The following ESRRG variants were observed in gnomAD, a reference collection of about 807,000 sequenced individuals.
ESRRG encodes the protein estrogen-related receptor gamma.
A neutral mutation model predicts 44.0 loss-of-function variants in ESRRG; 13 were observed. The ratio of observed to expected loss-of-function variants is 0.30; its 90% CI spans 0.19 to 0.47. The LOEUF is 0.47. ESRRG is among the 20% of genes least tolerant of loss of function. The pLI, the probability that ESRRG is intolerant of heterozygous loss-of-function variation, is 1.00. For missense variants in ESRRG, 395 were observed against 580.6 expected, an observed-to-expected ratio of 0.68 and a Z score of 3.29; for synonymous variants, 215 against 214.6, an observed-to-expected ratio of 1.00 and a Z score of -0.02.
At chr1:216,929,596 G>C (rs778089060) in intron 2 of ESRRG, among the ~76,000 whole-genome samples, 1 of 152,170 alleles carries the variant, frequency 6.6e-6, no homozygotes, top group Non-Finnish European at 1.5e-5. Context: ...TCCAGACAGA[G>C]AGAATGGCAT....
At chr1:216,761,116 T>C (rs764150701) in intron 2 of ESRRG, among the ~76,000 whole-genome samples, 11 of 151,604 alleles carry the variant, frequency 7.3e-5, no homozygotes, top group Non-Finnish European at 5.9e-5. Flanking sequence ...ATATAGAAAG[T>C]GAGATCTAAA....
At chr1:216,892,240 G>A (rs2057898055) in intron 2 of ESRRG, among the ~76,000 whole-genome samples, 2 of 152,170 alleles carry the variant, frequency 1.3e-5, no homozygotes, top group South Asian at 4.1e-4. Flanking sequence ...AGAACATAAT[G>A]TTAAACTCTG....
chr1:216,828,569 G>T (rs371776895), intron 2 of ESRRG, among the ~76,000 whole-genome samples: 1 of 152,120 alleles, frequency 6.6e-6, no homozygotes, highest in Non-Finnish European at 1.5e-5. Flanking sequence ...ACACACCTTC[G>T]CCATGATCTT....
chr1:217,090,166 G>A (rs11572388), upstream of ESRRG, among the ~76,000 whole-genome samples: 344 of 152,078 alleles, frequency 2.3e-3, 2 homozygotes, highest in African/African-American at 7.9e-3. Flanking sequence ...TGCTCCTGCC[G>A]CCGCCGCAGC....
chr1:216,774,245 T>A (rs149282428), intron 2 of ESRRG, among the ~76,000 whole-genome samples: 1 of 152,120 alleles, frequency 6.6e-6, no homozygotes. Flanking sequence ...CCTTACCTTC[T>A]GTAGAGGGAA....
At position 216,745,531 on chromosome 1, in the gene ESRRG, T is replaced by C. The variant is rs192149487; in HGVS notation, c.-13-68040A>G. 2.6e-5 allele frequency among the ~76,000 whole-genome samples: 4 copies of C among 151,700 alleles called. No individual in the cohort carries two copies. The East Asian group carries it at 7.9e-4, about 30-fold the overall frequency. On this transcript the variant is annotated intron_variant, in intron 2 of 7. Coordinates refer to the ESRRG transcript ENST00000359162. ...CATTCACTTAAGTAACATTTTTCTC[T>C]ATTGCAGACACTGTGCTATGCATAG...
intron 2 of ESRRG, among the ~76,000 whole-genome samples, chr1:216,926,253 G>A (rs2062556628): frequency 6.6e-6 from 1 of 152,120 alleles, no homozygotes; most frequent in Non-Finnish European, 1.5e-5. Flanking sequence ...ATTTGGCCAG[G>A]TGCTCTAAGG....
rs567069705 is a variant in ESRRG at position 216,708,665 on chromosome 1, G to A, written c.56+14579C>T. On this transcript the variant is annotated intron_variant, in intron 1 of 6. Transcript: ENST00000408911. ...GTGGAAGACAATGTGGTGATTCCTC[G>A]AGGATGTAGAACTAGAAATACCATT... is the stretch of plus-strand genomic sequence containing the variant. Among the ~76,000 whole-genome samples the A allele has an allele frequency of 1.1e-3, 175 of 152,268 alleles. 2 individuals carry two copies. The highest frequency in any genetic ancestry group is 4.0e-3 in the African/African-American group (165 of 41,554).
At chr1:216,603,963 G>T (rs1242971307) in intron 3 of ESRRG, among the ~76,000 whole-genome samples, 1 of 128,050 alleles carries the variant, frequency 7.8e-6, no homozygotes, top group Non-Finnish European at 1.7e-5. Flanking sequence ...AAAAAAAAAA[G>T]GAAAGAAAAA....
chr1:217,116,867 G>T (rs187679487), intron 1 of ESRRG, among the ~76,000 whole-genome samples: 125 of 152,254 alleles, frequency 8.2e-4, no homozygotes, highest in African/African-American at 2.9e-3. Context: ...AAGGATTGAG[G>T]ATAAATTTAA....
intron 1 of ESRRG, among the ~76,000 whole-genome samples, chr1:216,694,416 A>C (rs1013644393): frequency 1.3e-5 from 2 of 152,152 alleles, no homozygotes; most frequent in Non-Finnish European, 2.9e-5. Flanking sequence ...AGATTGCAGA[A>C]GATTTGAAAT....
intron 2 of ESRRG, among the ~76,000 whole-genome samples, chr1:216,907,439 G>A (rs760949705): frequency 1.4e-4 from 21 of 152,182 alleles, no homozygotes; most frequent in Non-Finnish European, 2.9e-4. Flanking sequence ...GTGATCAAAC[G>A]TCTGGAACTG....
At chr1:216,522,867 A>G (rs912279621) in intron 5 of ESRRG, among the ~76,000 whole-genome samples, 1 of 152,166 alleles carries the variant, frequency 6.6e-6, no homozygotes, top group Non-Finnish European at 1.5e-5. Context: ...TATCCAAATG[A>G]TAATTACTTG....
intron 2 of ESRRG, among the ~76,000 whole-genome samples, chr1:216,823,261 A>G (rs11572586): frequency 1.4e-3 from 217 of 152,220 alleles, no homozygotes; most frequent in African/African-American, 4.9e-3. Flanking sequence ...CAACTCTAAT[A>G]GATAATTATT....
chr1:217,053,129 A>T (rs1003561822), intron 1 of ESRRG, among the ~76,000 whole-genome samples: 13 of 72,720 alleles, frequency 1.8e-4, no homozygotes, highest in Non-Finnish European at 2.8e-4. Context: ...GCAAAATCCC[A>T]TCTTAAAAAA....
intron 1 of ESRRG, among the ~76,000 whole-genome samples, chr1:217,117,684 T>A (rs990711472): frequency 5.3e-5 from 8 of 152,280 alleles, no homozygotes; most frequent in African/African-American, 1.7e-4. Flanking sequence ...AAATACTTGA[T>A]ATTATTATAT....
rs919543231 is a variant in ESRRG at position 216,545,492 on chromosome 1, T to C, written c.862+18727A>G. Among the ~76,000 whole-genome samples the C allele has an allele frequency of 4.6e-5, 7 of 152,208 alleles. No individual in the cohort carries two copies. In the South Asian group the frequency reaches 1.4e-3, roughly 32 times the overall value. On this transcript the variant is annotated intron_variant, in intron 5 of 6. Transcript: ENST00000408911. Reference sequence around the variant, plus strand: ...CAGAATTAGTCTGATGTTATTTGTATAAATTCATATAAAAGACTTACCTAT... The same window carrying C: ...CAGAATTAGTCTGATGTTATTTGTACAAATTCATATAAAAGACTTACCTAT...
At chr1:216,960,228 C>T (rs551206490) in intron 1 of ESRRG, among the ~76,000 whole-genome samples, 8 of 152,128 alleles carry the variant, frequency 5.3e-5, no homozygotes, top group East Asian at 1.9e-4. Flanking sequence ...TAATCATTAG[C>T]GACTACATGT....
chr1:216,701,128 C>T (rs967004352), intron 1 of ESRRG, among the ~76,000 whole-genome samples: 14 of 43,762 alleles, frequency 3.2e-4, no homozygotes, highest in East Asian at 2.0e-3. Context: ...AGCAAGTTTG[C>T]GGAGTTTGGG....
Sources: allele counts gnomAD v4.1 joint callset (sites outside exome capture counted in the v4.1 genomes callset), GRCh38; gene constraint gnomAD v4.1.1; transcripts MANE v1.5; gene names NCBI Gene and HGNC (gene_info 2026-07-23, HGNC 2026-07-21).